PCAT7: variants seen among roughly 807,000 people sequenced by gnomAD.
PCAT7 encodes the protein prostate cancer associated transcript 7 (non-protein coding).
intron 2 of PCAT7, chr9:94,563,239 G>T: frequency 1.5e-6 from 2 of 1,316,506 alleles, no homozygotes; most frequent in Non-Finnish European, 1.0e-6. Flanking sequence ...TCCCCACACA[G>T]ACATGCCATG....
intron 2 of PCAT7, among the ~76,000 whole-genome samples, chr9:94,571,956 C>G (rs116047493): frequency 4.2e-4 from 64 of 152,296 alleles, no homozygotes; most frequent in African/African-American, 1.5e-3. Context: ...CGTGCAGTGT[C>G]TCACTCTGCA....
At chr9:94,559,166 G>C in intron 2 of PCAT7, 2 of 1,585,374 alleles carry the variant, frequency 1.3e-6, no homozygotes, top group Non-Finnish European at 1.7e-6. Flanking sequence ...AGTAAACTCT[G>C]CAAGTGGCCA....
intron 2 of PCAT7, chr9:94,569,399 A>G (rs998160437): frequency 2.0e-5 from 3 of 152,186 alleles, no homozygotes; most frequent in African/African-American, 7.2e-5. Flanking sequence ...GCCGGGGTCA[A>G]TTTTGCTGTT....
chr9:94,560,111 C>A (rs1018428802), intron 2 of PCAT7, among the ~76,000 whole-genome samples: 1 of 152,144 alleles, frequency 6.6e-6, no homozygotes, highest in African/African-American at 2.4e-5. Flanking sequence ...GGTGACAGAG[C>A]AAGAGCCTGT....
intron 1 of PCAT7, among the ~76,000 whole-genome samples, chr9:94,556,462 G>T (rs1827014035): frequency 6.6e-6 from 1 of 151,960 alleles, no homozygotes; most frequent in South Asian, 2.1e-4. Context: ...AGAGGGAGAG[G>T]GCCAAATGCG....
chr9:94,571,235 G>C (rs767837780), intron 2 of PCAT7, among the ~76,000 whole-genome samples: 5 of 152,174 alleles, frequency 3.3e-5, no homozygotes, highest in Non-Finnish European at 5.9e-5. Context: ...GGCCTGAGTT[G>C]ATGCAACTGG....
intron 2 of PCAT7, among the ~76,000 whole-genome samples, chr9:94,572,290 C>G (rs1827277915): frequency 6.6e-6 from 1 of 152,116 alleles, no homozygotes; most frequent in East Asian, 1.9e-4. Context: ...CTCTTAGCTG[C>G]TACATTTGTA....
chr9:94,570,382 ACTCT>A (rs1407882777), intron 2 of PCAT7: 2 of 152,064 alleles, frequency 1.3e-5, no homozygotes, highest in African/African-American at 2.4e-5. Flanking sequence ...CAAGTTACTC[ACTCT>A]CTCTACGCCT....
chr9:94,556,606 T>G (rs1264241400), intron 1 of PCAT7, among the ~76,000 whole-genome samples: 2 of 152,234 alleles, frequency 1.3e-5, no homozygotes, highest in Non-Finnish European at 2.9e-5. Context: ...TCTTGCCTGA[T>G]GCATAGTTTG....
intron 2 of PCAT7, among the ~76,000 whole-genome samples, chr9:94,563,002 G>T (rs1023521855): frequency 1.2e-4 from 18 of 152,146 alleles, no homozygotes; most frequent in Non-Finnish European, 5.9e-5. Flanking sequence ...TCCCTATAGG[G>T]ACCATCATCC....
chr9:94,568,877 C>G (rs1827232639), intron 2 of PCAT7: 1 of 152,132 alleles, frequency 6.6e-6, no homozygotes, highest in South Asian at 2.1e-4. Context: ...CCAGACTGAC[C>G]CTCTCTTCCT....
chr9:94,572,701 A>G (rs1372370810), intron 2 of PCAT7, among the ~76,000 whole-genome samples: 2 of 151,722 alleles, frequency 1.3e-5, no homozygotes, highest in African/African-American at 2.4e-5. Flanking sequence ...CATTTAATTC[A>G]CACACACACA....
At chr9:94,567,307 G>T in intron 2 of PCAT7, 1 of 1,614,144 alleles carries the variant, frequency 6.2e-7, no homozygotes, top group Non-Finnish European at 8.5e-7. Flanking sequence ...TTCAGTGGTG[G>T]CCGCATCAAA....
chr9:94,574,429 A>G (rs612498), intron 3 of PCAT7, among the ~76,000 whole-genome samples: 73,885 of 151,824 alleles, frequency 0.49, 18,603 homozygotes, highest in African/African-American at 0.61. Flanking sequence ...AACCTTTTAT[A>G]TGTTTATTTT....
rs1827210837 is a variant in PCAT7 at position 94,567,656 on chromosome 9, T to C, written n.442-5323T>C. 1.6e-5 allele frequency: 7 copies of C among 442,952 alleles called. No homozygotes were observed. The East Asian group carries it at 2.4e-4, about 15-fold the overall frequency. 27.4% of individuals were successfully genotyped at this position (442,952 alleles called of 1,614,324 possible). On this transcript the variant is annotated intron_variant and non_coding_transcript_variant, in intron 2 of 8. Coordinates refer to ENST00000647389, the Ensembl canonical transcript of PCAT7. ...AAGACAATTCTAAGGAAGCAGCCCA[T>C]AGTCTTCTTTCTTTTCCTGTGCATC...
chr9:94,567,502 C>T (rs1827209141), intron 2 of PCAT7: 1 of 1,462,718 alleles, frequency 6.8e-7, no homozygotes, highest in Non-Finnish European at 9.3e-7. Context: ...AGATGGGGGC[C>T]TGCTGGCAGA....
chr9:94,561,350 G>GTGTT (rs1463916724), intron 2 of PCAT7, among the ~76,000 whole-genome samples: 1 of 59,796 alleles, frequency 1.7e-5, no homozygotes, highest in Non-Finnish European at 3.8e-5. Flanking sequence ...CATGTGACCT[G>GTGTT]TATTTTTTTT....
At chr9:94,559,645 T>C (rs891686058) in intron 2 of PCAT7, among the ~76,000 whole-genome samples, 2 of 152,186 alleles carry the variant, frequency 1.3e-5, no homozygotes, top group Admixed American at 1.3e-4. Flanking sequence ...CTTGTCTAAC[T>C]AGTTTGCCGG....
chr9:94,559,249 C>A (rs992779498), intron 2 of PCAT7: 2 of 823,408 alleles, frequency 2.4e-6, no homozygotes, highest in Non-Finnish European at 3.8e-6. Flanking sequence ...CTAGCATGAG[C>A]GCACCATGCA....
Sources: gnomAD v4.1 joint callset for allele counts (sites outside exome capture counted in the v4.1 genomes callset) on GRCh38, gnomAD v4.1.1 for gene constraint, MANE v1.5 for transcripts, NCBI Gene and HGNC (gene_info 2026-07-23, HGNC 2026-07-21) for gene names.